The following SHF variants were observed in gnomAD, a reference collection of about 807,000 sequenced individuals.
SHF encodes the protein Src homology 2 domain containing F.
Under a neutral mutation model 42.4 loss-of-function variants are expected in SHF, and 30 were observed. The observed-to-expected ratio is 0.71, with a 90% CI of 0.53 to 0.96. The LOEUF (loss-of-function observed/expected upper bound fraction) is 0.96. Among genes scored for constraint, SHF ranks in the 40% least tolerant of loss-of-function variants. SHF has a pLI of 0.00. For synonymous variants in SHF, 264 were observed against 269.9 expected (o/e 0.98, Z 0.21); for missense variants, 598 against 634.0 (o/e 0.94, Z 0.61).
At chr15:45,196,246 A>G (rs997056546) in intron 2 of SHF, among the ~76,000 whole-genome samples, 31 of 152,000 alleles carry the variant, frequency 2.0e-4, no homozygotes, top group African/African-American at 7.2e-4. Context: ...GGGGCATGCC[A>G]CCACACCTGG....
At chr15:45,172,984 C>T (rs1219191510) in intron 4 of SHF, among the ~76,000 whole-genome samples, 1 of 152,166 alleles carries the variant, frequency 6.6e-6, no homozygotes, top group East Asian at 1.9e-4. Flanking sequence ...CACATGCGCA[C>T]GTGCACGTAC....
At chr15:45,190,625 C>A (rs1213565876), upstream of SHF, among the ~76,000 whole-genome samples, 3 of 152,124 alleles carry the variant, frequency 2.0e-5, no homozygotes, top group Admixed American at 6.5e-5. Flanking sequence ...AGGCTTCATG[C>A]AGGACAGGAG....
chr15:45,181,004 G>C (rs919090194), intron 1 of SHF: 1 of 152,212 alleles, frequency 6.6e-6, no homozygotes, highest in Non-Finnish European at 1.5e-5. Context: ...GTCAGCAGAG[G>C]TGCCTGATCC....
At chr15:45,199,207 C>CCCCTGACAG (rs1423995841) in intron 1 of SHF, 2 of 1,042,510 alleles carry the variant, frequency 1.9e-6, no homozygotes, top group Non-Finnish European at 2.7e-6. Context: ...CTCTCATACT[C>CCCCTGACAG]CCCTGACAGC....
At chr15:45,170,537 T>C in intron 6 of SHF, 1 of 911,156 alleles carries the variant, frequency 1.1e-6, no homozygotes, top group Non-Finnish European at 1.5e-6. Context: ...AAACCGAGGC[T>C]CGGAGATATT....
intron 1 of SHF, among the ~76,000 whole-genome samples, chr15:45,181,972 C>T (rs1898150953): frequency 6.6e-6 from 1 of 152,190 alleles, no homozygotes; most frequent in East Asian, 1.9e-4. Flanking sequence ...CCAGAGGATC[C>T]CATCCCTCTC....
At chr15:45,173,784 G>A in intron 3 of SHF, 68 bp from the exon 4 acceptor site, 2 of 1,515,410 alleles carry the variant, frequency 1.3e-6, no homozygotes, top group Non-Finnish European at 1.8e-6. Context: ...TAGAGGTTGA[G>A]ACACCAAAAC....
At chr15:45,171,523 A>G in intron 6 of SHF, 1 of 228,338 alleles carries the variant, frequency 4.4e-6, no homozygotes, top group Non-Finnish European at 8.7e-6. Context: ...GTGATAATTT[A>G]TTGAGCCCTT....
At chr15:45,188,645 T>A (rs986903533), upstream of SHF, among the ~76,000 whole-genome samples, 1 of 152,102 alleles carries the variant, frequency 6.6e-6, no homozygotes, top group African/African-American at 2.4e-5. Flanking sequence ...CAAACAGCCC[T>A]CGCTCAAACA....
chr15:45,190,080 A>G (rs1898671331), upstream of SHF, among the ~76,000 whole-genome samples: 1 of 152,140 alleles, frequency 6.6e-6, no homozygotes, highest in Admixed American at 6.5e-5. Flanking sequence ...GGATCTTGGT[A>G]AGTTACAGAT....
chr15:45,171,969 G>A lies in SHF; in HGVS notation c.1194C>T (p.Ala398=), dbSNP rs752344246. The part of the protein sequence containing the change: ...WYHGAISRTD[A]ENLLRLCKEA... ...CTTTGCACAGCCGGAGCAGGTTCTCGGCGTCGGTTCGGCTGATGGCCCCGT... is the reference window on the plus strand; with the variant it reads ...CTTTGCACAGCCGGAGCAGGTTCTCAGCGTCGGTTCGGCTGATGGCCCCGT... Residue 398 remains alanine, a synonymous_variant, in exon 6 of 7, where the codon GCC becomes GCT. Transcript: ENST00000690270. 9.3e-6 allele frequency: 15 copies of A among 1,613,818 alleles called. No individual in the cohort carries two copies. In the East Asian group the frequency reaches 1.1e-4, roughly 12 times the overall value.
rs540917202 is a variant in SHF, at chr15:45,180,373, G to A, written c.499-2067C>T. 6.6e-5 allele frequency among the ~76,000 whole-genome samples: 10 copies of A among 152,302 alleles called. No individual in the cohort carries two copies. In the East Asian group the frequency reaches 1.4e-3, roughly 21 times the overall value. ...CACAGCCCCACCCCTTGACCAAGGC[G>A]GCTCTGTGGTCAGCCCACCTTCGGT... On this transcript the variant is annotated intron_variant, in intron 1 of 6. Transcript: ENST00000690270.
chr15:45,175,724 G>A (rs1897763910), intron 2 of SHF, among the ~76,000 whole-genome samples: 1 of 152,116 alleles, frequency 6.6e-6, no homozygotes. Flanking sequence ...GGAAACTGAG[G>A]CACAACCCTC....
chr15:45,193,291 T>C (rs1276993042), intron 2 of SHF, among the ~76,000 whole-genome samples: 1 of 152,148 alleles, frequency 6.6e-6, no homozygotes, highest in African/African-American at 2.4e-5. Flanking sequence ...TGAGGACAGG[T>C]GCCCAAGGTG....
exon 2 of SHF, chr15:45,198,964 A>T (rs745886759): frequency 3.7e-6 from 6 of 1,613,698 alleles, no homozygotes; most frequent in Non-Finnish European, 5.1e-6. Flanking sequence ...CGGAACTCAG[A>T]CTACCCTTGG....
chr15:45,173,805 G>A, intron 3 of SHF, 89 bp from the exon 4 acceptor site: 2 of 1,399,848 alleles, frequency 1.4e-6, no homozygotes, highest in Non-Finnish European at 2.0e-6. Context: ...CCAGAGCCAG[G>A]ACACAGGACA....
chr15:45,172,509 G>A (rs1230648879), intron 4 of SHF, among the ~76,000 whole-genome samples, 191 bp from the exon 5 acceptor site: 1 of 152,164 alleles, frequency 6.6e-6, no homozygotes, highest in African/African-American at 2.4e-5. Context: ...CCCCTGGTGG[G>A]GGTGGGCCCA....
chr15:45,200,888 G>C (rs1167919554), exon 1 of SHF: 1 of 456,208 alleles, frequency 2.2e-6, no homozygotes, highest in Admixed American at 2.3e-5. Flanking sequence ...GTCCTCAGGG[G>C]CTTCACATCA....
At chr15:45,186,481 G>A (rs1898409505) in intron 1 of SHF, among the ~76,000 whole-genome samples, 1 of 152,276 alleles carries the variant, frequency 6.6e-6, no homozygotes, top group Non-Finnish European at 1.5e-5. Flanking sequence ...GGACAGCAGA[G>A]CCAAGGCAGC....
Sources: allele counts gnomAD v4.1 joint callset (sites outside exome capture counted in the v4.1 genomes callset), GRCh38; gene constraint gnomAD v4.1.1; transcripts MANE v1.5; gene names NCBI Gene and HGNC (gene_info 2026-07-23, HGNC 2026-07-21).